The following CNTN3 variants were observed in gnomAD, a reference collection of about 807,000 sequenced individuals.
CNTN3 encodes the protein contactin-3.
A neutral mutation model predicts 119.1 loss-of-function variants in CNTN3; 60 were observed. The ratio of observed to expected loss-of-function variants is 0.50; its 90% CI spans 0.41 to 0.62. CNTN3 has a LOEUF of 0.62. Ranked by LOEUF, CNTN3 falls within the 20% of genes least tolerant of loss-of-function variation. The probability of loss-of-function intolerance (pLI) is 0.00; values close to 1 mark genes in which losing one functional copy is unlikely to be tolerated. For missense variants in CNTN3, 1,101 were observed against 1,242.4 expected (o/e 0.89, Z 1.71); for synonymous variants, 450 against 438.7 (o/e 1.03, Z -0.32).
intron 1 of CNTN3, among the ~76,000 whole-genome samples, chr3:74,580,392 A>G (rs1704485246): frequency 6.6e-6 from 1 of 152,182 alleles, no homozygotes; most frequent in African/African-American, 2.4e-5. Flanking sequence ...TGAGACTGGC[A>G]TTATCATGAT....
intron 13 of CNTN3, among the ~76,000 whole-genome samples, chr3:74,315,385 T>C (rs1245068828): frequency 2.6e-5 from 4 of 152,212 alleles, no homozygotes; most frequent in African/African-American, 9.6e-5. Context: ...GTTTTCTCTT[T>C]ACTCTGTGGA....
intron 1 of CNTN3, among the ~76,000 whole-genome samples, chr3:74,582,510 T>A (rs1168148556): frequency 6.6e-6 from 1 of 152,030 alleles, no homozygotes; most frequent in African/African-American, 2.4e-5. Context: ...ATGAAAAGAT[T>A]AAAAGCCCCA....
At chr3:74,285,219 G>A in intron 20 of CNTN3, 86 bp downstream of exon 20, 1 of 1,363,412 alleles carries the variant, frequency 7.3e-7, no homozygotes, top group South Asian at 1.4e-5. Context: ...AATGACTTGG[G>A]TTGTCCATTT....
At chr3:74,285,634 T>C (rs1702095411) in intron 19 of CNTN3, 143 bp from the exon 20 acceptor site, 2 of 731,360 alleles carry the variant, frequency 2.7e-6, no homozygotes, top group Non-Finnish European at 4.4e-6. Context: ...TGCTAGGTGC[T>C]GCATTAGGCT....
Position 74,526,686 on chromosome 3 carries a change from G to A in CNTN3, c.-80-5494C>T, listed in dbSNP as rs570106653. Among the ~76,000 whole-genome samples, 5 of 151,946 alleles carry A rather than the reference G, an allele frequency of 3.3e-5. No homozygotes were observed. In the East Asian group the frequency reaches 9.8e-4, roughly 30 times the overall value. Reference sequence around the variant, plus strand: ...AAGAAGGAAGGATATCATGTGCCCAGTTTGATGTTACCTTCCATACCCACA... The same window carrying A: ...AAGAAGGAAGGATATCATGTGCCCAATTTGATGTTACCTTCCATACCCACA... On this transcript the variant is annotated intron_variant, in intron 1 of 22. Coordinates refer to ENST00000263665, the MANE Select transcript of CNTN3 (RefSeq NM_020872.3).
chr3:74,350,309 C>T (rs1482951439), intron 11 of CNTN3, among the ~76,000 whole-genome samples: 1 of 151,982 alleles, frequency 6.6e-6, no homozygotes, highest in Non-Finnish European at 1.5e-5. Context: ...TAGCAGCCAA[C>T]AAACATGAAA....
chr3:74,542,848 G>C (rs1703860909), intron 1 of CNTN3, among the ~76,000 whole-genome samples: 2 of 152,110 alleles, frequency 1.3e-5, no homozygotes. Context: ...TTGAAAGAAT[G>C]AATTTTTGGC....
chr3:74,433,239 C>A (rs1701813690), intron 4 of CNTN3, among the ~76,000 whole-genome samples: 1 of 152,102 alleles, frequency 6.6e-6, no homozygotes, highest in Non-Finnish European at 1.5e-5. Flanking sequence ...TCCCTGGGAG[C>A]AACAACTCCC....
chr3:74,564,843 T>C (rs894085036), intron 1 of CNTN3, among the ~76,000 whole-genome samples: 1 of 152,004 alleles, frequency 6.6e-6, no homozygotes, highest in Non-Finnish European at 1.5e-5. Context: ...TTCTACTGCT[T>C]GCAATTAAGA....
At chr3:74,450,107 T>A (rs1201949237) in intron 4 of CNTN3, among the ~76,000 whole-genome samples, 3 of 152,244 alleles carry the variant, frequency 2.0e-5, no homozygotes, top group South Asian at 2.1e-4. Flanking sequence ...ATGAAATGAA[T>A]TAAGTTTATA....
chr3:74,380,282 T>A (rs993692360), intron 5 of CNTN3, among the ~76,000 whole-genome samples: 24 of 152,226 alleles, frequency 1.6e-4, no homozygotes. Flanking sequence ...AAGAAAGTGC[T>A]TTGTAATAGC....
At chr3:74,403,583 G>A (rs1008296247) in intron 5 of CNTN3, among the ~76,000 whole-genome samples, 1 of 152,176 alleles carries the variant, frequency 6.6e-6, no homozygotes, top group Non-Finnish European at 1.5e-5. Context: ...CTGATCTGGT[G>A]TTTAAACTTC....
chr3:74,316,707 C>G (rs1021183538), intron 13 of CNTN3, among the ~76,000 whole-genome samples: 1 of 152,044 alleles, frequency 6.6e-6, no homozygotes. Flanking sequence ...GGGCAGATCA[C>G]GAGGTCAGGA....
intron 4 of CNTN3, among the ~76,000 whole-genome samples, chr3:74,451,359 T>C (rs1702150641): frequency 6.6e-6 from 1 of 151,932 alleles, no homozygotes; most frequent in African/African-American, 2.4e-5. Flanking sequence ...TTTGATGGGG[T>C]TGTTTGTTTT....
intron 10 of CNTN3, 61 bp downstream of exon 10, chr3:74,364,406 T>C: frequency 2.6e-6 from 4 of 1,515,692 alleles, no homozygotes; most frequent in Non-Finnish European, 3.6e-6. Flanking sequence ...TTACTGCTTC[T>C]GGAAACAATG....
intron 4 of CNTN3, among the ~76,000 whole-genome samples, chr3:74,450,005 T>G (rs1702118707): frequency 6.6e-6 from 1 of 152,172 alleles, no homozygotes; most frequent in Non-Finnish European, 1.5e-5. Context: ...CATAATCATT[T>G]AATAGCAAGA....
intron 20 of CNTN3, among the ~76,000 whole-genome samples, chr3:74,278,462 C>G (rs1701926272): frequency 6.6e-6 from 1 of 152,114 alleles, no homozygotes; most frequent in Admixed American, 6.6e-5. Context: ...CAAATACTTA[C>G]AGCCAACTGA....
Position 74,369,232 on chromosome 3 carries a change from A to G in CNTN3, c.903T>C (p.Asn301=). 6.2e-7 allele frequency: 1 copy of G among 1,610,034 alleles called. No individual in the cohort carries two copies. The highest frequency in any genetic ancestry group is 8.5e-7 in the Non-Finnish European group (1 of 1,178,160). ...CTCTGGCAACATTTTTTCCTCGTGA[A>G]TTCTCAGCAATGCATTCATAGGAAC... is the stretch of plus-strand genomic sequence containing the variant. ...DAGSYECIAE[N]SRGKNVARGR... The change falls in exon 8 of 23, where the codon AAT becomes AAC. Residue 301 remains asparagine, a synonymous_variant. Transcript: ENST00000263665.
chr3:74,312,811 T>C (rs951947811), intron 13 of CNTN3, among the ~76,000 whole-genome samples: 7 of 152,230 alleles, frequency 4.6e-5, no homozygotes, highest in Admixed American at 3.9e-4. Flanking sequence ...CAAAAATACA[T>C]AGTTTGAAGA....
Sources: allele counts gnomAD v4.1 joint callset (sites outside exome capture counted in the v4.1 genomes callset), GRCh38; gene constraint gnomAD v4.1.1; transcripts MANE v1.5; gene names NCBI Gene and HGNC (gene_info 2026-07-23, HGNC 2026-07-21).